TENM2: variants seen among roughly 807,000 people sequenced by gnomAD.
The protein encoded by TENM2 is teneurin transmembrane protein 2, also known as teneurin-2.
Under a neutral mutation model 245.2 loss-of-function variants are expected in TENM2, and 52 were observed. That is an observed-to-expected ratio of 0.21 (90% CI 0.17 to 0.27). TENM2 has a LOEUF of 0.27. Ranked by LOEUF, TENM2 falls within the 10% of genes least tolerant of loss-of-function variation. TENM2 has a pLI of 1.00. For synonymous variants in TENM2, 1,363 were observed against 1,438.9 expected, an observed-to-expected ratio of 0.95 and a Z score of 1.19; for missense variants, 3,046 against 3,666.8, an observed-to-expected ratio of 0.83 and a Z score of 4.37.
chr5:168,041,537 C>G lies in TENM2; in HGVS notation c.1187-5890C>G, dbSNP rs186377174. ...CTTTATGTCTTTGCTCAAATGTTAC[C>G]TATCACAAATGCCATCCTTGACCAG... On this transcript the variant is annotated intron_variant, in intron 5 of 28. Transcript: ENST00000518659. 2.6e-5 allele frequency among the ~76,000 whole-genome samples: 4 copies of G among 152,240 alleles called. No homozygotes were observed. In the East Asian group the frequency reaches 7.7e-4, roughly 29 times the overall value.
chr5:167,303,554 G>C (rs146633052), intron 1 of TENM2, among the ~76,000 whole-genome samples: 21 of 152,194 alleles, frequency 1.4e-4, no homozygotes, highest in South Asian at 8.3e-4. Context: ...GTTAAGGCAG[G>C]AACAGGCCAT....
chr5:167,127,309 C>T, the TENM2 span, among the ~76,000 whole-genome samples: 4 of 152,282 alleles, frequency 2.6e-5, no homozygotes, highest in South Asian at 8.3e-4. Context: ...TTAGACGCAG[C>T]TTTCCCAACA....
intron 3 of TENM2, among the ~76,000 whole-genome samples, chr5:167,911,766 C>T (rs1441328978): frequency 1.3e-5 from 2 of 152,162 alleles, no homozygotes; most frequent in East Asian, 3.9e-4. Context: ...CCTTGTCCTC[C>T]AAGGGCACTA....
intron 2 of TENM2, among the ~76,000 whole-genome samples, chr5:167,503,757 A>T (rs754563125): frequency 2.0e-5 from 3 of 152,048 alleles, no homozygotes; most frequent in Non-Finnish European, 4.4e-5. Context: ...AGCCAGGCCC[A>T]GTGGCCCATG....
At chr5:167,150,622 A>G in the TENM2 span, among the ~76,000 whole-genome samples, 3,644 of 152,282 alleles carry the variant, frequency 0.024, 140 homozygotes, top group African/African-American at 0.083. Flanking sequence ...CAACCAACTA[A>G]TCAATTATTT....
intron 2 of TENM2, among the ~76,000 whole-genome samples, chr5:167,549,749 T>G (rs1772810096): frequency 6.6e-6 from 1 of 151,990 alleles, no homozygotes; most frequent in African/African-American, 2.4e-5. Flanking sequence ...GTGTTAGCTG[T>G]TTTTTGTTTT....
chr5:167,127,668 G>T, the TENM2 span, among the ~76,000 whole-genome samples: 1 of 145,780 alleles, frequency 6.9e-6, no homozygotes, highest in Admixed American at 6.9e-5. Flanking sequence ...AGCCACTAAT[G>T]AATAATTACT....
chr5:167,542,764 C>T (rs573324099), intron 2 of TENM2, among the ~76,000 whole-genome samples: 70 of 152,180 alleles, frequency 4.6e-4, no homozygotes, highest in Non-Finnish European at 8.1e-4. Context: ...GATTTCTACA[C>T]TAGAAATTCG....
chr5:167,708,069 G>A (rs1239096768), intron 2 of TENM2, among the ~76,000 whole-genome samples: 1 of 152,100 alleles, frequency 6.6e-6, no homozygotes, highest in Non-Finnish European at 1.5e-5. Flanking sequence ...GACAGTCCAG[G>A]GTTGGATAGA....
chr5:167,911,996 CT>C (rs1388311304), intron 3 of TENM2, among the ~76,000 whole-genome samples: 13 of 152,194 alleles, frequency 8.5e-5, no homozygotes, highest in South Asian at 4.1e-4. Flanking sequence ...ACCTTGCACA[CT>C]TTTTTTGTAG....
chr5:167,091,120 A>G, the TENM2 span, among the ~76,000 whole-genome samples: 1 of 152,048 alleles, frequency 6.6e-6, no homozygotes, highest in Non-Finnish European at 1.5e-5. Context: ...TTTTTTTGTG[A>G]ATTTTTTTTT....
intron 7 of TENM2, among the ~76,000 whole-genome samples, chr5:168,083,232 G>A (rs1205959306): frequency 6.6e-6 from 1 of 152,214 alleles, no homozygotes; most frequent in African/African-American, 2.4e-5. Flanking sequence ...AGGATCCGTT[G>A]GTGTGGGACC....
At chr5:167,324,267 A>G (rs998983050) in intron 1 of TENM2, among the ~76,000 whole-genome samples, 1 of 152,232 alleles carries the variant, frequency 6.6e-6, no homozygotes, top group Non-Finnish European at 1.5e-5. Flanking sequence ...GAGATGCAGT[A>G]GCATGCACTC....
At chr5:167,124,591 C>T in the TENM2 span, among the ~76,000 whole-genome samples, 6 of 152,238 alleles carry the variant, frequency 3.9e-5, no homozygotes, top group East Asian at 1.2e-3. Context: ...ACACTATTCG[C>T]TCTTTCCTTT....
chr5:167,277,262 C>T, the TENM2 span, among the ~76,000 whole-genome samples: 1 of 151,928 alleles, frequency 6.6e-6, no homozygotes, highest in Admixed American at 6.6e-5. Flanking sequence ...TATAACCTTC[C>T]CTTTCATCAC....
intron 7 of TENM2, among the ~76,000 whole-genome samples, chr5:168,069,660 TGA>T (rs1390203390): frequency 6.6e-6 from 1 of 152,188 alleles, no homozygotes; most frequent in South Asian, 2.1e-4. Flanking sequence ...ATGGAAGAAC[TGA>T]GACAGAGGTT....
chr5:167,851,454 T>C (rs1424608323), intron 2 of TENM2, among the ~76,000 whole-genome samples: 1 of 152,200 alleles, frequency 6.6e-6, no homozygotes, highest in Non-Finnish European at 1.5e-5. Context: ...ATTGAAATAT[T>C]TGGTAAGGGG....
intron 1 of TENM2, among the ~76,000 whole-genome samples, chr5:167,286,992 C>T (rs1215990391): frequency 6.6e-6 from 1 of 152,096 alleles, no homozygotes; most frequent in Non-Finnish European, 1.5e-5. Flanking sequence ...GTTATTGAGC[C>T]CATATTTGTT....
At chr5:167,230,113 G>A in the TENM2 span, among the ~76,000 whole-genome samples, 39 of 152,284 alleles carry the variant, frequency 2.6e-4, no homozygotes, top group African/African-American at 9.4e-4. Context: ...GTGGCACTGT[G>A]CTGCCACTGC....
Sources: gnomAD v4.1 joint callset for allele counts (sites outside exome capture counted in the v4.1 genomes callset) on GRCh38, gnomAD v4.1.1 for gene constraint, MANE v1.5 for transcripts, NCBI Gene and HGNC (gene_info 2026-07-23, HGNC 2026-07-21) for gene names.